DNAH17: variants seen among roughly 807,000 people sequenced by gnomAD.
DNAH17 encodes dynein axonemal heavy chain 17.
Under a neutral mutation model 485.6 loss-of-function variants are expected in DNAH17, and 376 were observed. The observed-to-expected ratio is 0.77, with a 90% CI of 0.71 to 0.84. DNAH17 has a LOEUF of 0.84. Ranked by LOEUF, DNAH17 falls within the 40% of genes least tolerant of loss-of-function variation. The pLI is 0.00. For missense variants in DNAH17, 6,370 were observed against 5,839.3 expected, an observed-to-expected ratio of 1.09 and a Z score of -2.96; for synonymous variants, 3,031 against 2,405.9, an observed-to-expected ratio of 1.26 and a Z score of -7.60.
intron 20 of DNAH17, among the ~76,000 whole-genome samples, chr17:78,531,495 C>T (rs945971940): frequency 6.6e-6 from 1 of 152,020 alleles, no homozygotes; most frequent in Non-Finnish European, 1.5e-5. Flanking sequence ...CCTGCCACCA[C>T]GCCCAGCTAA....
rs911429168 is a variant in DNAH17, at chr17:78,485,192, G to A, written c.7484-159C>T. On this transcript the variant is annotated intron_variant, in intron 47 of 80. Transcript: ENST00000389840. ...CTGCCCTGGGAGTGGCCCTTGAGGG[G>A]GCACCGGGTACAGCCCCAGGAATAA... is the stretch of plus-strand genomic sequence containing the variant. 1.0e-4 allele frequency: 93 copies of A among 902,644 alleles called. 2 individuals are homozygous for A. The South Asian group carries it at 1.2e-3, about 12-fold the overall frequency. 55.9% of individuals were successfully genotyped at this position (902,644 alleles called of 1,614,324 possible).
chr17:78,560,630 G>A (rs539029185), intron 13 of DNAH17, 110 bp downstream of exon 13: 90 of 1,206,820 alleles, frequency 7.5e-5, no homozygotes, highest in Non-Finnish European at 8.7e-5. Context: ...AGCTTTAGGC[G>A]AACTGTGATA....
intron 19 of DNAH17, 155 bp from the exon 20 acceptor site, chr17:78,532,891 C>T (rs2091279241): frequency 2.1e-6 from 2 of 939,674 alleles, no homozygotes; most frequent in Non-Finnish European, 1.5e-6. Context: ...GGGCCGATCA[C>T]CCCTCTTTAG....
At position 78,517,429 on chromosome 17, in the gene DNAH17, A is replaced by G. The variant is rs180810488; in HGVS notation, c.3865-2407T>C. On this transcript the variant is annotated intron_variant, in intron 25 of 80. Transcript: ENST00000389840. ...ACAGATGAGTGACGAGGAGACAGAAAGGCAGAAACCAACATATGCACACAC... is the reference window on the plus strand; with the variant it reads ...ACAGATGAGTGACGAGGAGACAGAAGGGCAGAAACCAACATATGCACACAC... Among the ~76,000 whole-genome samples, 858 of 152,326 alleles carry G rather than the reference A, an allele frequency of 5.6e-3. 9 individuals carry two copies. Among genetic ancestry groups the G allele is most frequent in the Non-Finnish European group, 9.8e-3 (667 of 68,036 alleles).
At chr17:78,508,657 G>A (rs372452768) in intron 27 of DNAH17, among the ~76,000 whole-genome samples, 1 of 152,262 alleles carries the variant, frequency 6.6e-6, no homozygotes, top group South Asian at 2.1e-4. Context: ...TCTATAGAGG[G>A]GGAAAGTGGA....
Position 78,451,233 on chromosome 17 carries a change from G to C in DNAH17, c.10734+236C>G, listed in dbSNP as rs139819766. 2.8e-3 allele frequency among the ~76,000 whole-genome samples: 427 copies of C among 152,388 alleles called. 2 individuals are homozygous for C. Among genetic ancestry groups the C allele is most frequent in the African/African-American group, 9.9e-3 (410 of 41,594 alleles). ...CTGTGACTCATGTTCTTTAAGCAAA[G>C]AGGTCATGTGACTTAGAATTAAATT... On this transcript the variant is annotated intron_variant, in intron 66 of 80. Coordinates refer to ENST00000389840, the MANE Select transcript of DNAH17 (RefSeq NM_173628.4).
chr17:78,482,747 G>A (rs2089407292), intron 48 of DNAH17, among the ~76,000 whole-genome samples: 1 of 152,044 alleles, frequency 6.6e-6, no homozygotes, highest in Non-Finnish European at 1.5e-5. Context: ...CCACTAAACA[G>A]TCCATCCTTC....
At chr17:78,557,958 C>CA in intron 14 of DNAH17, 150 bp downstream of exon 14, 1 of 970,164 alleles carries the variant, frequency 1.0e-6, no homozygotes. Context: ...AGCAGGTACT[C>CA]AGTAAGTATG....
intron 31 of DNAH17, among the ~76,000 whole-genome samples, chr17:78,503,248 C>T (rs1410399431): frequency 2.2e-5 from 3 of 134,350 alleles, no homozygotes; most frequent in South Asian, 2.4e-4. Flanking sequence ...GGCATGATCT[C>T]GGCTCATTGC....
chr17:78,543,865 T>C lies in DNAH17; in HGVS notation c.2524A>G (p.Met842Val), dbSNP rs1568229378. The C allele has an allele frequency of 2.5e-6, 4 of 1,614,058 alleles. No homozygotes were observed. Among genetic ancestry groups the C allele is most frequent in the Middle Eastern group, 1.6e-4 (1 of 6,062 alleles). The change falls in exon 17 of 81, where the codon ATG becomes GTG. Residue 842 changes from methionine to valine, a missense_variant. Met to Val is a conservative substitution (Grantham distance 21). Coordinates refer to ENST00000389840, the MANE Select transcript of DNAH17 (RefSeq NM_173628.4). The part of the protein sequence containing the change: ...VRDAGVKIQA[M>V]VAENAELFRA... The stretch of plus-strand genomic sequence containing the variant: ...CCTGGGTGTTTCCTTACTGCAACCA[T>C]GGCTTGGATCTTCACTCCAGCATCC...
chr17:78,530,287 C>T (rs2091195751), intron 21 of DNAH17, 56 bp downstream of exon 21: 1 of 1,504,398 alleles, frequency 6.6e-7, no homozygotes, highest in African/African-American at 1.4e-5. Flanking sequence ...TGGAAGGCCA[C>T]TCCCTGGTGC....
chr17:78,562,082 G>T, intron 11 of DNAH17, 102 bp from the exon 12 acceptor site: 1 of 1,362,106 alleles, frequency 7.3e-7, no homozygotes, highest in Non-Finnish European at 9.7e-7. Context: ...AGGAGTGAGA[G>T]AATGTGTACC....
Position 78,439,204 on chromosome 17 carries a change from C to A in DNAH17, c.11691G>T (p.Gly3897=), listed in dbSNP as rs760413887. The A allele has an allele frequency of 1.2e-6, 2 of 1,602,748 alleles. No individual in the cohort carries two copies. Among genetic ancestry groups the A allele is most frequent in the Admixed American group, 1.8e-5 (1 of 56,884 alleles). The part of the protein sequence containing the change: ...KDVEALGKKL[G]FTIDNGKLHN... ...GGAGTTTTCCATTGTCTATGGTAAA[C>A]CCTAGTTTTTTTCCTAAAGAAAAGA... is the stretch of plus-strand genomic sequence containing the variant. Residue 3897 remains glycine (G), a synonymous_variant, in exon 73 of 81, where the codon GGG becomes GGT. Coordinates refer to ENST00000389840, the MANE Select transcript of DNAH17 (RefSeq NM_173628.4).
chr17:78,438,436 GGAGGA>G (rs2086931720), intron 73 of DNAH17, among the ~76,000 whole-genome samples: 2 of 91,016 alleles, frequency 2.2e-5, no homozygotes, highest in East Asian at 2.9e-4. Context: ...AGGAGGAGGA[GGAGGA>G]GGAGGGAGGA....
intron 24 of DNAH17, 135 bp from the exon 25 acceptor site, chr17:78,525,296 T>C: frequency 7.6e-7 from 1 of 1,319,062 alleles, no homozygotes; most frequent in Non-Finnish European, 1.0e-6. Context: ...CATACAACGG[T>C]GTCCCACCTG....
intron 71 of DNAH17, among the ~76,000 whole-genome samples, chr17:78,442,745 G>A (rs2087122524): frequency 6.6e-6 from 1 of 152,210 alleles, no homozygotes; most frequent in African/African-American, 2.4e-5. Flanking sequence ...CGGCCACAGA[G>A]GAAGCACTTA....
At chr17:78,442,215 G>A (rs942622930) in intron 71 of DNAH17, among the ~76,000 whole-genome samples, 5 of 152,190 alleles carry the variant, frequency 3.3e-5, no homozygotes, top group African/African-American at 1.2e-4. Flanking sequence ...AGTCTGGGTC[G>A]ACTTTCAGAA....
intron 54 of DNAH17, among the ~76,000 whole-genome samples, chr17:78,473,400 C>T (rs1021483610): frequency 8.5e-5 from 13 of 152,108 alleles, no homozygotes; most frequent in Admixed American, 3.9e-4. Flanking sequence ...AAAAATTAGA[C>T]GGGCGTGGTG....
chr17:78,480,940 G>A (rs1438451164), intron 48 of DNAH17, among the ~76,000 whole-genome samples, 154 bp from the exon 49 acceptor site: 3 of 151,920 alleles, frequency 2.0e-5, no homozygotes, highest in African/African-American at 7.3e-5. Context: ...GCACAATCTC[G>A]GCTCACTGCA....
Sources: allele counts gnomAD v4.1 joint callset (sites outside exome capture counted in the v4.1 genomes callset), GRCh38; gene constraint gnomAD v4.1.1; transcripts MANE v1.5; gene names NCBI Gene and HGNC (gene_info 2026-07-23, HGNC 2026-07-21).